The following PDZD8 variants were observed in gnomAD, a reference collection of about 807,000 sequenced individuals.
PDZD8 encodes PDZ domain containing 8.
Under a neutral mutation model 85.8 loss-of-function variants are expected in PDZD8, and 14 were observed. The ratio of observed to expected loss-of-function variants is 0.16; its 90% CI spans 0.11 to 0.26. The LOEUF is 0.26. Among genes scored for constraint, PDZD8 ranks in the 10% least tolerant of loss-of-function variants. PDZD8 has a pLI of 1.00. For synonymous variants in PDZD8, 592 were observed against 568.6 expected, an observed-to-expected ratio of 1.04 and a Z score of -0.59; for missense variants, 1,197 against 1,424.3, an observed-to-expected ratio of 0.84 and a Z score of 2.57.
In PDZD8 at chr10:117,280,859, T is replaced by A. The variant is rs1247956289; in HGVS notation, c.*2409A>T. 6.6e-6 allele frequency: 1 copy of A among 152,252 alleles called. No homozygotes were observed. The highest frequency in any genetic ancestry group is 1.5e-5 in the Non-Finnish European group (1 of 68,056). 9.4% of individuals were successfully genotyped at this position (152,252 alleles called of 1,614,324 possible). ...AACAGCTCTTTCAAATGCATCAGTT[T>A]CAGCAACATGCTTGGGTATCATGAA... is the stretch of plus-strand genomic sequence containing the variant. On this transcript the variant is annotated 3_prime_UTR_variant, in exon 5 of 5. Transcript: ENST00000334464.
intron 1 of PDZD8, among the ~76,000 whole-genome samples, chr10:117,349,732 G>A (rs1378143318): frequency 6.6e-6 from 1 of 152,172 alleles, no homozygotes; most frequent in East Asian, 1.9e-4. Context: ...GAGCCTGGGA[G>A]ATCGAGGCTG....
At position 117,374,403 on chromosome 10, in the gene PDZD8, G is replaced by A. The variant is rs559241103; in HGVS notation, c.825C>T (p.Leu275=). The change falls in exon 1 of 5, where the codon CTC becomes CTT. Residue 275 remains leucine, a synonymous_variant. Transcript: ENST00000334464. This position sits in a 1 kb window ranked among gnomAD's most constrained non-coding sequence, Gnocchi z 7.8. ...PQLTSIIVNQ[L]KKIIKRKHTL... Reference sequence around the variant, plus strand: ...TGTGCTTGCGCTTGATGATCTTCTTGAGCTGGTTGACGATGATGGAGGTGA... The same window carrying A: ...TGTGCTTGCGCTTGATGATCTTCTTAAGCTGGTTGACGATGATGGAGGTGA... The A allele has an allele frequency of 3.1e-5, 50 of 1,614,230 alleles. No homozygotes were observed. In the South Asian group the frequency reaches 5.1e-4, roughly 16 times the overall value.
chr10:117,371,077 AGTTT>A (rs1399925599), intron 1 of PDZD8, among the ~76,000 whole-genome samples: 1 of 152,174 alleles, frequency 6.6e-6, no homozygotes, highest in Non-Finnish European at 1.5e-5. Context: ...AACACTAGCT[AGTTT>A]AATTTTCCCT....
At chr10:117,317,875 T>G (rs1300065091) in intron 3 of PDZD8, among the ~76,000 whole-genome samples, 1 of 152,184 alleles carries the variant, frequency 6.6e-6, no homozygotes, top group Non-Finnish European at 1.5e-5. Flanking sequence ...CCCCACTGCT[T>G]TCATAAACGC....
intron 2 of PDZD8, among the ~76,000 whole-genome samples, chr10:117,337,862 T>C (rs1299462664): frequency 6.6e-6 from 1 of 152,198 alleles, no homozygotes; most frequent in Non-Finnish European, 1.5e-5. Context: ...GTGCTTTCTA[T>C]AACTCAAAAG....
At chr10:117,287,314 T>C (rs141027524) in intron 4 of PDZD8, among the ~76,000 whole-genome samples, 18 of 152,296 alleles carry the variant, frequency 1.2e-4, no homozygotes, top group African/African-American at 3.4e-4. Context: ...GCACCTTATA[T>C]GCAACTGTTA....
At position 117,318,992 on chromosome 10, in the gene PDZD8, A is replaced by G; in HGVS notation, c.996-18T>C. 6.6e-7 allele frequency: 1 copy of G among 1,520,482 alleles called. No homozygotes were observed. Among genetic ancestry groups the G allele is most frequent in the Non-Finnish European group, 9.1e-7 (1 of 1,096,410 alleles). The allele number at this position is 1,520,482 out of a possible 1,614,324, so 94.2% of individuals were successfully genotyped here. On this transcript the variant is annotated intron_variant, in intron 2 of 4. Transcript: ENST00000334464. ...TGAGTAACCTGCAGAATAAAACAAA[A>G]CAAGGGAGAGTATCATACCTGTTAT...
intron 4 of PDZD8, 61 bp from the exon 5 acceptor site, chr10:117,285,532 G>T: frequency 7.5e-7 from 1 of 1,340,990 alleles, no homozygotes; most frequent in Non-Finnish European, 1.0e-6. Flanking sequence ...TACTACATTT[G>T]TTAAATGTAT....
At chr10:117,351,725 T>C (rs2133864387) in intron 1 of PDZD8, among the ~76,000 whole-genome samples, 1 of 152,330 alleles carries the variant, frequency 6.6e-6, no homozygotes. Flanking sequence ...TCTTACTCTG[T>C]TGCCCAGGCT....
intron 3 of PDZD8, among the ~76,000 whole-genome samples, chr10:117,291,727 C>A (rs1844769938): frequency 6.6e-6 from 1 of 151,528 alleles, no homozygotes; most frequent in Admixed American, 6.6e-5. Context: ...CTATTCTAAC[C>A]CATCAAGATC....
intron 1 of PDZD8, among the ~76,000 whole-genome samples, chr10:117,360,217 T>C (rs1844973050): frequency 6.6e-6 from 1 of 152,206 alleles, no homozygotes; most frequent in Non-Finnish European, 1.5e-5. Context: ...CAATGTTAAC[T>C]GATAGCCTAT....
At chr10:117,317,382 T>C (rs17096108) in intron 3 of PDZD8, among the ~76,000 whole-genome samples, 170 of 150,372 alleles carry the variant, frequency 1.1e-3, no homozygotes, top group Non-Finnish European at 1.9e-3. Flanking sequence ...CCTAGGAATA[T>C]TAAATTCAGA....
intron 3 of PDZD8, among the ~76,000 whole-genome samples, chr10:117,296,102 G>C (rs1326545838): frequency 6.6e-6 from 1 of 151,842 alleles, no homozygotes; most frequent in Non-Finnish European, 1.5e-5. Context: ...ACAACTATTA[G>C]AGCTATTAAG....
In PDZD8 at chr10:117,374,539, C is replaced by A. The variant is rs1331333264; in HGVS notation, c.689G>T (p.Arg230Leu). Residue 230 changes from arginine to leucine, a missense_variant, in exon 1 of 5, where the codon CGC (arginine) becomes CTC (leucine). By Grantham distance (102) the Arg-to-Leu change is moderately radical. Around this residue, in one of 4 missense-constraint regions of PDZD8, gnomAD observed 344 missense variants for 453.6 expected, o/e 0.76. Coordinates refer to ENST00000334464, the MANE Select transcript of PDZD8 (RefSeq NM_173791.5). The surrounding 1 kb of genome is among the most constrained non-coding windows in gnomAD (Gnocchi z 7.8). Reference sequence around the variant, plus strand: ...GAAGGGCACGCGCGTAAAGACCAAGCGCAGCCTTCCCACCACGCGGGACAG... The same window carrying A: ...GAAGGGCACGCGCGTAAAGACCAAGAGCAGCCTTCCCACCACGCGGGACAG... The part of the protein sequence containing the change: ...VKLSRVVGRL[R>L]LVFTRVPFTH... The A allele has an allele frequency of 6.2e-7, 1 of 1,607,654 alleles. No homozygotes were observed. The highest frequency in any genetic ancestry group is 8.5e-7 in the Non-Finnish European group (1 of 1,177,130).
In PDZD8 at chr10:117,283,843, C is replaced by T. The variant is rs760282629; in HGVS notation, c.2890G>A (p.Val964Ile). ...TRLSEPGTDL[V>I]EPSPKHTPNT... is the part of the protein sequence containing the mutation. ...GGTGTGTGTTTTGGTGAAGGTTCTACGAGATCGGTTCCTGGTTCAGAAAGG... is the reference window on the plus strand; with the variant it reads ...GGTGTGTGTTTTGGTGAAGGTTCTATGAGATCGGTTCCTGGTTCAGAAAGG... Residue 964 changes from valine (V) to isoleucine (I), a missense_variant, in exon 5 of 5, where the codon GTA becomes ATA. Coordinates refer to ENST00000334464, the MANE Select transcript of PDZD8 (RefSeq NM_173791.5). 139 of 1,614,024 alleles carry T rather than the reference C, an allele frequency of 8.6e-5. No homozygotes were observed. Among genetic ancestry groups the T allele is most frequent in the Admixed American group, 4.2e-4 (25 of 60,000 alleles).
intron 2 of PDZD8, among the ~76,000 whole-genome samples, chr10:117,323,281 A>G (rs1844258830): frequency 6.6e-6 from 1 of 152,186 alleles, no homozygotes; most frequent in Non-Finnish European, 1.5e-5. Flanking sequence ...TAAAAGATTC[A>G]TTGCAAAAAG....
chr10:117,335,122 G>A (rs1462999234), intron 2 of PDZD8, among the ~76,000 whole-genome samples: 1 of 152,192 alleles, frequency 6.6e-6, no homozygotes. Flanking sequence ...AAAGTAAAAG[G>A]TTGGAAAGCA....
rs1844643267 is a variant in PDZD8 at position 117,285,344 on chromosome 10, G to A, written c.1389C>T (p.Gly463=). 2.5e-6 allele frequency: 4 copies of A among 1,614,022 alleles called. No individual in the cohort carries two copies. The highest frequency in any genetic ancestry group is 3.4e-6 in the Non-Finnish European group (4 of 1,180,004). Residue 463 remains glycine (G), a synonymous_variant, in exon 5 of 5, where the codon GGC becomes GGT. Coordinates refer to ENST00000334464, the MANE Select transcript of PDZD8 (RefSeq NM_173791.5). ...NQGAVLQDNF[G]QLEENFLSSS... is the part of the protein sequence containing the mutation. Reference sequence around the variant, plus strand: ...TTGACAAAAAGTTTTCTTCCAACTGGCCAAAGTTATCTTGCAGCACTGCAC... The same window carrying A: ...TTGACAAAAAGTTTTCTTCCAACTGACCAAAGTTATCTTGCAGCACTGCAC...
At chr10:117,362,386 C>G (rs774529253) in intron 1 of PDZD8, among the ~76,000 whole-genome samples, 3 of 152,024 alleles carry the variant, frequency 2.0e-5, no homozygotes, top group Admixed American at 6.5e-5. Flanking sequence ...CATTTAGTCT[C>G]AAAATAACAA....
Sources: allele counts gnomAD v4.1 joint callset (sites outside exome capture counted in the v4.1 genomes callset), GRCh38; gene constraint gnomAD v4.1.1; regional missense constraint gnomAD v4.1.1; non-coding constraint Gnocchi (gnomAD v3.1); transcripts MANE v1.5; gene names NCBI Gene and HGNC (gene_info 2026-07-23, HGNC 2026-07-21).